Variants in LIMS1 observed in about 807,000 individuals in gnomAD.
LIMS1 encodes LIM zinc finger domain containing 1, also known as LIM and senescent cell antigen-like-containing domain protein 1.
LIMS1 carries 18 observed loss-of-function variants against 44.1 expected under a neutral mutation model. That is an observed-to-expected ratio of 0.41 (90% confidence interval 0.28 to 0.61). The LOEUF (loss-of-function observed/expected upper bound fraction) is 0.61, where lower values mean the gene tolerates loss of function less well. Ranked by LOEUF, LIMS1 falls within the 20% of genes least tolerant of loss-of-function variation. The probability of loss-of-function intolerance (pLI) is 0.32; values close to 1 mark genes in which losing one functional copy is unlikely to be tolerated. For synonymous variants in LIMS1, 93 were observed against 149.1 expected (o/e 0.62, Z 2.74); for missense variants, 201 against 422.0 (o/e 0.48, Z 4.59).
chr2:108,630,483 AG>A (rs1305579709), intron 1 of LIMS1, among the ~76,000 whole-genome samples: 1 of 147,142 alleles, frequency 6.8e-6, no homozygotes, highest in Non-Finnish European at 1.5e-5. Context: ...AATGGTTCAG[AG>A]GGATTCGTTA....
chr2:108,651,420 C>T (rs1233400566), intron 1 of LIMS1, among the ~76,000 whole-genome samples: 4 of 152,254 alleles, frequency 2.6e-5, no homozygotes, highest in Non-Finnish European at 5.9e-5. Flanking sequence ...TAGGATATTC[C>T]TGATTGAAAG....
chr2:108,558,067 A>G (rs1684983128), intron 1 of LIMS1, among the ~76,000 whole-genome samples: 1 of 152,234 alleles, frequency 6.6e-6, no homozygotes, highest in Non-Finnish European at 1.5e-5. Context: ...AATTTTAAGT[A>G]TAGGACTATG....
At chr2:108,597,440 A>G (rs756384409) in intron 1 of LIMS1, among the ~76,000 whole-genome samples, 1 of 152,170 alleles carries the variant, frequency 6.6e-6, no homozygotes, top group African/African-American at 2.4e-5. Flanking sequence ...AATGTTGTGA[A>G]TTCTTGATAA....
At chr2:108,551,638 GTATA>G (rs956688650) in intron 1 of LIMS1, among the ~76,000 whole-genome samples, 3 of 139,994 alleles carry the variant, frequency 2.1e-5, no homozygotes, top group Non-Finnish European at 3.0e-5. Flanking sequence ...GTATATATAT[GTATA>G]TATGTGTATA....
At chr2:108,546,375 G>T (rs1307454197) in intron 1 of LIMS1, among the ~76,000 whole-genome samples, 1 of 145,070 alleles carries the variant, frequency 6.9e-6, no homozygotes, top group East Asian at 2.3e-4. Context: ...TTGAACTCCT[G>T]GGCTTCAGGG....
At chr2:108,534,499 G>T in exon 1 of LIMS1, 1 of 1,161,616 alleles carries the variant, frequency 8.6e-7, no homozygotes, top group Non-Finnish European at 1.1e-6. Context: ...GAGGGACTAG[G>T]ACGCGGCTGG....
intron 1 of LIMS1, among the ~76,000 whole-genome samples, chr2:108,642,957 G>A (rs985665587): frequency 1.3e-5 from 2 of 152,068 alleles, no homozygotes; most frequent in East Asian, 1.9e-4. Context: ...CCAAGCTATT[G>A]GACTCATGCA....
rs1223819449 is a variant in LIMS1, at chr2:108,681,126, T to C, written c.899+356T>C. The C allele has an allele frequency of 5.5e-6, 7 of 1,276,064 alleles. No homozygotes were observed. The African/African-American group carries it at 9.3e-5, about 17-fold the overall frequency. The allele number at this position is 1,276,064 out of a possible 1,614,324, so 79.0% of individuals were successfully genotyped here. ...GCCAGTCTGTTTGTAAACTTTTCTA[T>C]CCCTGTGTCATCATTTTCACTGCTT... is the stretch of plus-strand genomic sequence containing the variant. On this transcript the variant is annotated intron_variant, in intron 9 of 9. Transcript: ENST00000544547.
At chr2:108,590,672 T>C (rs1477830842) in intron 1 of LIMS1, among the ~76,000 whole-genome samples, 1 of 152,172 alleles carries the variant, frequency 6.6e-6, no homozygotes, top group Non-Finnish European at 1.5e-5. Context: ...AAAAGAGTGT[T>C]GTTCTAGGCA....
chr2:108,598,969 TTTAA>T (rs1686859863), intron 1 of LIMS1, among the ~76,000 whole-genome samples: 1 of 152,158 alleles, frequency 6.6e-6, no homozygotes, highest in East Asian at 1.9e-4. Flanking sequence ...CCTGTTTCTG[TTTAA>T]TTATTTTATT....
intron 1 of LIMS1, among the ~76,000 whole-genome samples, chr2:108,604,027 A>G (rs12473859): frequency 0.36 from 54,910 of 151,866 alleles, 11,821 homozygotes; most frequent in East Asian, 0.88. Context: ...TTAGTATGTT[A>G]TGTTTCCATT....
chr2:108,594,404 A>G (rs1435218376), intron 1 of LIMS1, among the ~76,000 whole-genome samples: 6 of 152,166 alleles, frequency 3.9e-5, no homozygotes, highest in Non-Finnish European at 8.8e-5. Flanking sequence ...TGAACGCTTA[A>G]AATGCTTTCT....
At chr2:108,556,216 C>T (rs1236894228) in intron 1 of LIMS1, among the ~76,000 whole-genome samples, 1 of 152,140 alleles carries the variant, frequency 6.6e-6, no homozygotes, top group Non-Finnish European at 1.5e-5. Flanking sequence ...TTGTGTCTTG[C>T]TAATTTTACT....
intron 1 of LIMS1, among the ~76,000 whole-genome samples, chr2:108,544,551 C>T (rs1684422326): frequency 2.0e-5 from 3 of 152,194 alleles, no homozygotes; most frequent in Non-Finnish European, 4.4e-5. Flanking sequence ...GGCTGGAGTA[C>T]ACTGGTGCTC....
At chr2:108,603,172 T>A (rs1469430211) in intron 1 of LIMS1, among the ~76,000 whole-genome samples, 5 of 152,212 alleles carry the variant, frequency 3.3e-5, no homozygotes, top group South Asian at 2.1e-4. Context: ...AGTATTCCCC[T>A]CTCCTCTATT....
rs1417373761 is a variant in LIMS1 at position 108,662,127 on chromosome 2, C to G, written c.192+2363C>G. 3 of 1,607,414 alleles carry G rather than the reference C, an allele frequency of 1.9e-6. No homozygotes were observed. The African/African-American group carries it at 4.0e-5, about 22-fold the overall frequency. ...AGAGAAAAAGACAGGCTTTGTTTTT[C>G]CAGACATTTTCCTTATATCCCTGGC... is the stretch of plus-strand genomic sequence containing the variant. On this transcript the variant is annotated intron_variant, in intron 2 of 9. Coordinates refer to ENST00000544547, the Ensembl canonical transcript of LIMS1.
At chr2:108,654,548 G>A (rs9646950) in intron 1 of LIMS1, among the ~76,000 whole-genome samples, 62,346 of 151,558 alleles carry the variant, frequency 0.41, 14,760 homozygotes, top group East Asian at 0.94. Context: ...CCAGGGTTGT[G>A]GAAGCCCAGG....
At chr2:108,633,142 C>G (rs1189331230) in intron 1 of LIMS1, among the ~76,000 whole-genome samples, 1 of 152,164 alleles carries the variant, frequency 6.6e-6, no homozygotes, top group African/African-American at 2.4e-5. Flanking sequence ...GCTCTTCTGT[C>G]CCTTTGTTTT....
At chr2:108,583,991 G>A (rs544138702) in intron 1 of LIMS1, among the ~76,000 whole-genome samples, 2 of 152,220 alleles carry the variant, frequency 1.3e-5, no homozygotes, top group East Asian at 1.9e-4. Flanking sequence ...ACTGCACCTG[G>A]CTGTTGTTGC....
Sources: gnomAD v4.1 joint callset for allele counts (sites outside exome capture counted in the v4.1 genomes callset) on GRCh38, gnomAD v4.1.1 for gene constraint, MANE v1.5 for transcripts, NCBI Gene and HGNC (gene_info 2026-07-23, HGNC 2026-07-21) for gene names.